The following RBMS3 variants were observed in gnomAD, a reference collection of about 807,000 sequenced individuals.
RBMS3 encodes RNA binding motif single stranded interacting protein 3.
In RBMS3, 27 loss-of-function variants were observed where a neutral mutation model predicts 66.8. That is an observed-to-expected ratio of 0.40 (90% CI 0.30 to 0.56). The LOEUF (loss-of-function observed/expected upper bound fraction) is 0.56, where lower values mean the gene tolerates loss of function less well. RBMS3 is among the 20% of genes least tolerant of loss of function. RBMS3 has a pLI of 0.40. For synonymous variants in RBMS3, 188 were observed against 183.0 expected (o/e 1.03, Z -0.22); for missense variants, 513 against 549.5 (o/e 0.93, Z 0.66).
chr3:29,356,959 A>C (rs1313409491), intron 1 of RBMS3, among the ~76,000 whole-genome samples: 1 of 152,152 alleles, frequency 6.6e-6, no homozygotes, highest in South Asian at 2.1e-4. Flanking sequence ...TTTACAACAT[A>C]TTATCCATGC....
At chr3:29,697,919 C>CT (rs2052353941) in intron 4 of RBMS3, among the ~76,000 whole-genome samples, 1 of 152,256 alleles carries the variant, frequency 6.6e-6, no homozygotes, top group Non-Finnish European at 1.5e-5. Context: ...TATACAAAAA[C>CT]TTTAAGTACT....
At chr3:29,862,273 C>T (rs1375993074) in intron 6 of RBMS3, among the ~76,000 whole-genome samples, 1 of 152,144 alleles carries the variant, frequency 6.6e-6, no homozygotes, top group Non-Finnish European at 1.5e-5. Flanking sequence ...TTCTAACAAG[C>T]TCCCAGGTGA....
intron 6 of RBMS3, among the ~76,000 whole-genome samples, chr3:29,814,526 C>G (rs1233611697): frequency 1.3e-5 from 2 of 152,194 alleles, no homozygotes; most frequent in East Asian, 1.9e-4. Flanking sequence ...CCCTCTTTTT[C>G]TATTGATTGA....
chr3:29,308,921 A>T (rs2034199987), intron 1 of RBMS3, among the ~76,000 whole-genome samples: 1 of 151,636 alleles, frequency 6.6e-6, no homozygotes, highest in African/African-American at 2.4e-5. Flanking sequence ...TTTTAAGTGC[A>T]GGTGATATTA....
chr3:29,647,896 C>T (rs1024098998), intron 4 of RBMS3, among the ~76,000 whole-genome samples: 3 of 152,098 alleles, frequency 2.0e-5, no homozygotes, highest in Non-Finnish European at 4.4e-5. Flanking sequence ...TAAAGAATTG[C>T]ATAAGAATGG....
intron 10 of RBMS3, among the ~76,000 whole-genome samples, chr3:29,910,833 C>T (rs901294907): frequency 6.6e-6 from 1 of 151,692 alleles, no homozygotes; most frequent in Non-Finnish European, 1.5e-5. Flanking sequence ...ATCAGGTTTG[C>T]TTAAAGAATT....
At chr3:29,730,078 T>G (rs912507101) in intron 4 of RBMS3, among the ~76,000 whole-genome samples, 11 of 152,138 alleles carry the variant, frequency 7.2e-5, no homozygotes, top group Non-Finnish European at 1.3e-4. Context: ...AAATAGTTTA[T>G]ATAAAATGAT....
At chr3:29,784,856 A>G (rs1034576459) in intron 6 of RBMS3, among the ~76,000 whole-genome samples, 1 of 152,080 alleles carries the variant, frequency 6.6e-6, no homozygotes, top group African/African-American at 2.4e-5. Context: ...GAGATATTAC[A>G]ACTGATACCA....
chr3:29,913,581 C>G (rs770162810), intron 10 of RBMS3, among the ~76,000 whole-genome samples: 6 of 152,010 alleles, frequency 3.9e-5, no homozygotes, highest in Non-Finnish European at 5.9e-5. Flanking sequence ...TTAAAAAGAA[C>G]ATTGTGCTCT....
chr3:29,599,435 A>G (rs1324929848), intron 4 of RBMS3, among the ~76,000 whole-genome samples: 2 of 151,954 alleles, frequency 1.3e-5, no homozygotes, highest in East Asian at 1.9e-4. Flanking sequence ...GAAAATAGAA[A>G]AAAAAGTGAG....
chr3:29,997,166 A>C (rs1399706734), intron 14 of RBMS3, among the ~76,000 whole-genome samples: 8 of 152,082 alleles, frequency 5.3e-5, no homozygotes, highest in Admixed American at 4.6e-4. Flanking sequence ...TAGAAAATCT[A>C]GAAGAAATGG....
At chr3:29,926,299 G>A (rs1470643998) in intron 10 of RBMS3, among the ~76,000 whole-genome samples, 2 of 152,108 alleles carry the variant, frequency 1.3e-5, no homozygotes, top group East Asian at 3.9e-4. Flanking sequence ...TAAGTTTCCA[G>A]CCCTAACCAG....
intron 7 of RBMS3, among the ~76,000 whole-genome samples, chr3:29,869,966 A>G (rs915006859): frequency 6.6e-6 from 1 of 152,104 alleles, no homozygotes; most frequent in Non-Finnish European, 1.5e-5. Flanking sequence ...GCCTTTTTTC[A>G]GTTTCTGTTT....
intron 1 of RBMS3, among the ~76,000 whole-genome samples, chr3:29,433,429 A>C (rs187085506): frequency 8.5e-5 from 13 of 152,310 alleles, no homozygotes; most frequent in African/African-American, 3.1e-4. Context: ...ACAGTTATAT[A>C]GGTTGATATT....
At position 30,009,117 on chromosome 3, in the gene RBMS3, C is replaced by G. The variant is rs1488037732; in HGVS notation, c.*5255C>G. On this transcript the variant is annotated 3_prime_UTR_variant, in exon 15 of 15. Transcript: ENST00000383767. ...AGTAGAGGTGCAGTCAAGCTTGGAT[C>G]TGCAGGAAGAACCACTAGGCCACTG... 1 of 152,096 alleles carries G rather than the reference C, an allele frequency of 6.6e-6. No individual in the cohort carries two copies. The highest frequency in any genetic ancestry group is 1.5e-5 in the Non-Finnish European group (1 of 67,972). 9.4% of individuals were successfully genotyped at this position (152,096 alleles called of 1,614,324 possible).
rs181382842 is a variant in RBMS3, at chr3:29,427,439, G to A, written c.76-7304G>A. ...TAGTGACTACCACAGTTCTTATCGT[G>A]TCCACTCTCTCACGTTGTGTTCACA... On this transcript the variant is annotated intron_variant, in intron 1 of 14. Coordinates refer to ENST00000383767, the MANE Select transcript of RBMS3 (RefSeq NM_001003793.3). Among the ~76,000 whole-genome samples the A allele has an allele frequency of 1.9e-4, 29 of 152,286 alleles. No homozygotes were observed. In the East Asian group the frequency reaches 5.0e-3, roughly 26 times the overall value.
At chr3:29,460,783 A>T (rs973451826) in intron 2 of RBMS3, among the ~76,000 whole-genome samples, 3 of 152,330 alleles carry the variant, frequency 2.0e-5, no homozygotes, top group African/African-American at 7.2e-5. Context: ...GAGATGTGGG[A>T]ACAGTGCTAG....
At chr3:29,530,647 G>T (rs965583518) in intron 3 of RBMS3, among the ~76,000 whole-genome samples, 10 of 150,574 alleles carry the variant, frequency 6.6e-5, no homozygotes, top group Non-Finnish European at 1.5e-4. Flanking sequence ...GAATCACAAG[G>T]TCAGGAGTTC....
At position 29,475,646 on chromosome 3, in the gene RBMS3, T is replaced by A. The variant is rs189367780; in HGVS notation, c.249-12795T>A. On this transcript the variant is annotated intron_variant, in intron 2 of 14. Transcript: ENST00000383767. ...AATCATGAAACATTTACCGTATATC[T>A]ACTAGACATAAATATCCTTTGCATC... 1.6e-3 allele frequency among the ~76,000 whole-genome samples: 247 copies of A among 152,298 alleles called. 1 individual carries two copies. The highest frequency in any genetic ancestry group is 5.8e-3 in the African/African-American group (241 of 41,568).
Sources: allele counts gnomAD v4.1 joint callset (sites outside exome capture counted in the v4.1 genomes callset), GRCh38; gene constraint gnomAD v4.1.1; transcripts MANE v1.5; gene names NCBI Gene and HGNC (gene_info 2026-07-23, HGNC 2026-07-21).